MTFR1: variants seen among roughly 807,000 people sequenced by gnomAD.
MTFR1 encodes chondrocyte protein with a poly-proline region.
In MTFR1, 28 loss-of-function variants were observed where a neutral mutation model predicts 38.8. The observed-to-expected ratio is 0.72, with a 90% CI of 0.53 to 0.99. MTFR1 has a LOEUF of 0.99. Ranked by LOEUF, MTFR1 falls within the 50% of genes least tolerant of loss-of-function variation. MTFR1 has a pLI of 0.00. For synonymous variants in MTFR1, 145 were observed against 137.0 expected (o/e 1.06, Z -0.41); for missense variants, 358 against 395.5 (o/e 0.91, Z 0.81).
intron 3 of MTFR1, among the ~76,000 whole-genome samples, chr8:65,690,538 C>T (rs961179226): frequency 6.6e-6 from 1 of 151,556 alleles, no homozygotes; most frequent in African/African-American, 2.4e-5. Context: ...TCAACAACAA[C>T]AAAAAAGAAA....
chr8:65,714,174 A>G (rs4565495), downstream of MTFR1, among the ~76,000 whole-genome samples: 2,831 of 150,722 alleles, frequency 0.019, 25 homozygotes, highest in African/African-American at 0.026. Context: ...AAGGTTTGTA[A>G]TTTTTAATGC....
At chr8:65,674,758 T>C (rs146635790) in intron 2 of MTFR1, among the ~76,000 whole-genome samples, 487 of 152,338 alleles carry the variant, frequency 3.2e-3, no homozygotes, top group Non-Finnish European at 5.3e-3. Context: ...CCATCCCTGC[T>C]TGGCTTACTA....
At chr8:65,733,624 G>GA (rs1188600241) in intron 3 of MTFR1, among the ~76,000 whole-genome samples, 42 of 149,452 alleles carry the variant, frequency 2.8e-4, no homozygotes, top group African/African-American at 4.4e-4. Flanking sequence ...GTCTCTTAGA[G>GA]AAAAAAAAAC....
chr8:65,703,419 GTTTTTTTTTTT>G (rs553260839), intron 4 of MTFR1, among the ~76,000 whole-genome samples: 4 of 50,950 alleles, frequency 7.9e-5, no homozygotes, highest in African/African-American at 2.4e-4. Context: ...GATGTCTCTG[GTTTTTTTTTTT>G]TTTTTTTTTT....
intron 3 of MTFR1, chr8:65,724,787 A>G: frequency 6.2e-7 from 1 of 1,604,724 alleles, no homozygotes; most frequent in Non-Finnish European, 8.5e-7. Context: ...CTGTAAAACC[A>G]AATGTCTGTG....
At chr8:65,747,812 A>G (rs758417145) in intron 3 of MTFR1, 52 of 1,588,076 alleles carry the variant, frequency 3.3e-5, no homozygotes, top group Non-Finnish European at 6.9e-6. Context: ...AGCTGAAATA[A>G]AAAGAATAAA....
chr8:65,671,191 A>C (rs1804560772), intron 2 of MTFR1, among the ~76,000 whole-genome samples: 1 of 152,096 alleles, frequency 6.6e-6, no homozygotes, highest in Non-Finnish European at 1.5e-5. Flanking sequence ...ATGACTTGTA[A>C]ATTTATTGGT....
chr8:65,743,326 T>C (rs540000228), intron 3 of MTFR1, among the ~76,000 whole-genome samples: 2 of 152,166 alleles, frequency 1.3e-5, no homozygotes, highest in African/African-American at 4.8e-5. Flanking sequence ...AGGCTAACTG[T>C]GTAAATGATA....
chr8:65,735,275 G>A lies in MTFR1; in HGVS notation c.*48+15794G>A, dbSNP rs149813185. Reference sequence around the variant, plus strand: ...CCATCAGAATTCTGCACTTGCTTCCGTCCCATCCTTTAAAATAGCCTTTCA... The same window carrying A: ...CCATCAGAATTCTGCACTTGCTTCCATCCCATCCTTTAAAATAGCCTTTCA... On this transcript the variant is annotated intron_variant, in intron 3 of 3. Transcript: ENST00000521247. Among the ~76,000 whole-genome samples, 201 of 152,196 alleles carry A rather than the reference G, an allele frequency of 1.3e-3. 1 individual carries two copies. The highest frequency in any genetic ancestry group is 3.1e-3 in the South Asian group (15 of 4,820).
intron 3 of MTFR1, among the ~76,000 whole-genome samples, chr8:65,737,177 A>C (rs1029268232): frequency 6.6e-6 from 1 of 152,132 alleles, no homozygotes; most frequent in East Asian, 1.9e-4. Context: ...GTATAGAGCC[A>C]AAGCCATTCC....
In MTFR1 at chr8:65,709,531, A is replaced by T. The variant is rs1425161450; in HGVS notation, c.*487A>T. The T allele has an allele frequency of 1.3e-5, 2 of 153,438 alleles. No individual in the cohort carries two copies. Among genetic ancestry groups the T allele is most frequent in the Admixed American group, 6.5e-5 (1 of 15,500 alleles). 9.5% of individuals were successfully genotyped at this position (153,438 alleles called of 1,614,324 possible). A position where few individuals can be genotyped will look rare whatever the true frequency, so the allele number is the denominator to read the frequency against. ...TCAATGATGGAACAGCTGGTATAAC[A>T]TAAGTTGTTGGCATGAAATATTTGA... On this transcript the variant is annotated 3_prime_UTR_variant, in exon 8 of 8. Coordinates refer to ENST00000262146, the MANE Select transcript of MTFR1 (RefSeq NM_014637.4).
chr8:65,734,182 C>T (rs1302361742), intron 3 of MTFR1, among the ~76,000 whole-genome samples: 1 of 152,192 alleles, frequency 6.6e-6, no homozygotes, highest in Non-Finnish European at 1.5e-5. Context: ...CTCTACATTC[C>T]TCCTCTCATG....
chr8:65,653,357 C>A (rs1039634815), intron 1 of MTFR1, among the ~76,000 whole-genome samples: 26 of 151,968 alleles, frequency 1.7e-4, no homozygotes, highest in African/African-American at 6.0e-4. Flanking sequence ...ACAAAAAATA[C>A]AAAAATTAGC....
intron 1 of MTFR1, among the ~76,000 whole-genome samples, chr8:65,654,166 A>G (rs1046401046): frequency 1.3e-5 from 2 of 152,164 alleles, no homozygotes; most frequent in African/African-American, 4.8e-5. Context: ...GTGTATAATA[A>G]AAGTGGAGGG....
At chr8:65,645,005 C>T (rs1034650064) in intron 1 of MTFR1, among the ~76,000 whole-genome samples, 3 of 152,214 alleles carry the variant, frequency 2.0e-5, no homozygotes, top group African/African-American at 7.2e-5. Context: ...GTCGGGGGCT[C>T]CGGAGGAGCT....
At chr8:65,648,616 T>A (rs1042532065) in intron 1 of MTFR1, among the ~76,000 whole-genome samples, 11 of 152,236 alleles carry the variant, frequency 7.2e-5, no homozygotes, top group South Asian at 2.1e-4. Flanking sequence ...CATTAAAAAA[T>A]TTTTTTTCTG....
intron 3 of MTFR1, chr8:65,682,708 C>A: frequency 2.2e-6 from 2 of 914,776 alleles, no homozygotes; most frequent in Non-Finnish European, 2.6e-6. Context: ...ATAAGCTAAG[C>A]AGTTGTTAAT....
chr8:65,662,111 C>CTCTCCCTCTCTTTCCACGG (rs1809443474), intron 1 of MTFR1, among the ~76,000 whole-genome samples: 2 of 120,636 alleles, frequency 1.7e-5, no homozygotes, highest in African/African-American at 5.4e-5. Flanking sequence ...CACAGTCTCC[C>CTCTCCCTCTCTTTCCACGG]TCTCCCTCTC....
intron 4 of MTFR1, 94 bp downstream of exon 4, chr8:65,693,853 ATC>A: frequency 1.2e-6 from 1 of 864,982 alleles, no homozygotes; most frequent in South Asian, 1.5e-5. Context: ...GCCTAATTTT[ATC>A]TCTAGTAATG....
Sources: allele counts gnomAD v4.1 joint callset (sites outside exome capture counted in the v4.1 genomes callset), GRCh38; gene constraint gnomAD v4.1.1; transcripts MANE v1.5; gene names NCBI Gene and HGNC (gene_info 2026-07-23, HGNC 2026-07-21).